The following ENTPD5 variants were observed in gnomAD, a reference collection of about 807,000 sequenced individuals.
ENTPD5 encodes nucleoside diphosphate phosphatase ENTPD5.
Under a neutral mutation model 60.2 loss-of-function variants are expected in ENTPD5, and 49 were observed. The observed-to-expected ratio is 0.81, with a 90% CI of 0.65 to 1.03. The LOEUF (loss-of-function observed/expected upper bound fraction) is 1.03, where lower values mean the gene tolerates loss of function less well. Among genes scored for constraint, ENTPD5 ranks in the 50% least tolerant of loss-of-function variants. The pLI, the probability that ENTPD5 is intolerant of heterozygous loss-of-function variation, is 0.00. For missense variants in ENTPD5, 480 were observed against 507.6 expected (o/e 0.95, Z 0.52); for synonymous variants, 187 against 185.4 (o/e 1.01, Z -0.07).
chr14:73,958,259 C>T (rs140313598), downstream of ENTPD5: 28 of 1,614,106 alleles, frequency 1.7e-5, no homozygotes, highest in Admixed American at 6.7e-5. Flanking sequence ...ATGGCAGCAC[C>T]TTCCAGACCA....
chr14:74,005,277 AAAAAG>A (rs1566763958), intron 3 of ENTPD5, among the ~76,000 whole-genome samples: 7 of 118,222 alleles, frequency 5.9e-5, no homozygotes, highest in African/African-American at 2.3e-4. Flanking sequence ...AAAAAAAAAA[AAAAAG>A]AAAAAAAGAA....
Position 73,977,385 on chromosome 14 carries a change from A to T in ENTPD5, c.442-11T>A. The T allele has an allele frequency of 7.0e-7, 1 of 1,430,792 alleles. No homozygotes were observed. Among genetic ancestry groups the T allele is most frequent in the Non-Finnish European group, 9.7e-7 (1 of 1,033,622 alleles). 88.6% of individuals were successfully genotyped at this position (1,430,792 alleles called of 1,614,324 possible). A position where few individuals can be genotyped will look rare whatever the true frequency, so the allele number is the denominator to read the frequency against. ...GAAGATCTCCTTTACCTAGAGAAAA[A>T]GGAAAAAAAAAAAAAAAGAATTCCC... On this transcript the variant is annotated splice_polypyrimidine_tract_variant and intron_variant, in intron 6 of 15. Coordinates refer to ENST00000334696, the MANE Select transcript of ENTPD5 (RefSeq NM_001249.5).
downstream of ENTPD5, chr14:73,961,619 G>A: frequency 1.2e-6 from 2 of 1,607,548 alleles, no homozygotes. Context: ...ATATAGTTAG[G>A]CAAGATCAGG....
downstream of ENTPD5, chr14:73,960,331 T>G (rs892687112): frequency 5.1e-6 from 5 of 986,542 alleles, no homozygotes; most frequent in African/African-American, 8.7e-5. Flanking sequence ...TTTAGTACAT[T>G]GTAGGTGCTC....
intron 15 of ENTPD5, among the ~76,000 whole-genome samples, chr14:73,967,720 A>C (rs1399261003): frequency 6.6e-6 from 1 of 150,878 alleles, no homozygotes; most frequent in Non-Finnish European, 1.5e-5. Flanking sequence ...GGGTCACTTG[A>C]ACCCGGGAGG....
At position 73,983,024 on chromosome 14, in the gene ENTPD5, G is replaced by C. The variant is rs1012226444; in HGVS notation, c.435C>G (p.Leu145=). ...LLPEHKAKAL[L]FEVKEIFRKS... ...ATGCAGTTTTAAAACTTACCTCAAA[G>C]AGCAGAGCCTTGGCTTTGTGTTCTG... The change falls in exon 6 of 16, where the codon CTC becomes CTG. Residue 145 remains leucine (L), a synonymous_variant. Transcript: ENST00000334696. 3.1e-6 allele frequency: 5 copies of C among 1,613,712 alleles called. No homozygotes were observed. Among genetic ancestry groups the C allele is most frequent in the Non-Finnish European group, 3.4e-6 (4 of 1,179,854 alleles).
In ENTPD5 at chr14:73,983,112, G is replaced by A. The variant is rs1453746383; in HGVS notation, c.347C>T (p.Pro116Leu). ...TGGGGTCTTTTTCCAGTGACTTCGGGGGATTGAGTCTTTGGCCACCTCTAA... is the reference window on the plus strand; with the variant it reads ...TGGGGTCTTTTTCCAGTGACTTCGGAGGATTGAGTCTTTGGCCACCTCTAA... Reference protein sequence around the residue: ...GLLEVAKDSIPRSHWKKTPVV... With the variant: ...GLLEVAKDSILRSHWKKTPVV... The change falls in exon 6 of 16, where the codon CCC becomes CTC. Residue 116 changes from proline (P) to leucine (L), a missense_variant. Transcript: ENST00000334696. 2 of 1,614,128 alleles carry A rather than the reference G, an allele frequency of 1.2e-6. No homozygotes were observed. The highest frequency in any genetic ancestry group is 2.2e-5 in the East Asian group (1 of 44,880).
At chr14:73,982,430 C>T (rs557575980) in intron 6 of ENTPD5, among the ~76,000 whole-genome samples, 9 of 152,086 alleles carry the variant, frequency 5.9e-5, no homozygotes, top group African/African-American at 1.7e-4. Flanking sequence ...TGATTAGAAA[C>T]GACTTCTGAT....
At chr14:74,006,385 AC>A (rs1173306576) in intron 3 of ENTPD5, among the ~76,000 whole-genome samples, 1 of 146,932 alleles carries the variant, frequency 6.8e-6, no homozygotes, top group Non-Finnish European at 1.5e-5. Context: ...CCGGGTTCAC[AC>A]CATTCTCCTG....
chr14:73,955,525 T>A (rs771258000), downstream of ENTPD5: 1 of 1,611,890 alleles, frequency 6.2e-7, no homozygotes, highest in Non-Finnish European at 8.5e-7. Context: ...CCTTTATCTT[T>A]TCAATTTTGT....
At chr14:73,991,031 A>C (rs2058106530) in intron 3 of ENTPD5, among the ~76,000 whole-genome samples, 1 of 152,124 alleles carries the variant, frequency 6.6e-6, no homozygotes, top group Admixed American at 6.6e-5. Context: ...TGTGTCTCAA[A>C]ACAAAAACAA....
chr14:74,016,655 A>C (rs1271557084), intron 1 of ENTPD5, among the ~76,000 whole-genome samples: 1 of 152,176 alleles, frequency 6.6e-6, no homozygotes, highest in Non-Finnish European at 1.5e-5. Flanking sequence ...CAAAAAACCC[A>C]AAAACCAATA....
chr14:74,015,191 A>C (rs2058978784), intron 2 of ENTPD5, among the ~76,000 whole-genome samples: 1 of 152,174 alleles, frequency 6.6e-6, no homozygotes, highest in South Asian at 2.1e-4. Context: ...GTTCACTTAG[A>C]CTGATCCACC....
intron 1 of ENTPD5, among the ~76,000 whole-genome samples, chr14:74,017,554 G>A (rs1284429787): frequency 1.3e-5 from 2 of 151,046 alleles, no homozygotes; most frequent in East Asian, 2.0e-4. Flanking sequence ...CTCCAGCCTG[G>A]GCAACAAGAG....
chr14:73,999,496 C>A (rs561097629), intron 3 of ENTPD5, among the ~76,000 whole-genome samples: 104 of 147,116 alleles, frequency 7.1e-4, no homozygotes, highest in African/African-American at 2.5e-3. Context: ...CCCCACCCCC[C>A]CAAAAAAAAC....
At chr14:73,997,366 GATAAAATA>G (rs1323218200) in intron 3 of ENTPD5, among the ~76,000 whole-genome samples, 1 of 152,014 alleles carries the variant, frequency 6.6e-6, no homozygotes, top group Non-Finnish European at 1.5e-5. Flanking sequence ...GATTGACTTG[GATAAAATA>G]ATACAGTATC....
intron 3 of ENTPD5, among the ~76,000 whole-genome samples, chr14:74,010,785 A>C (rs3742810): frequency 0.23 from 34,771 of 152,078 alleles, 4,859 homozygotes; most frequent in East Asian, 0.76. Context: ...ATCATGCTAT[A>C]TATTTTCACT....
At chr14:74,010,246 CACTT>C (rs1217372055) in intron 3 of ENTPD5, among the ~76,000 whole-genome samples, 1 of 152,126 alleles carries the variant, frequency 6.6e-6, no homozygotes, top group Non-Finnish European at 1.5e-5. Flanking sequence ...TCCACTATAA[CACTT>C]AGTGTTTGGT....
intron 3 of ENTPD5, chr14:73,996,885 T>G (rs1460179649): frequency 6.6e-6 from 1 of 152,208 alleles, no homozygotes; most frequent in Non-Finnish European, 1.5e-5. Flanking sequence ...CAAGGCTGCA[T>G]GAACCATGAT....
Sources: gnomAD v4.1 joint callset for allele counts (sites outside exome capture counted in the v4.1 genomes callset) on GRCh38, gnomAD v4.1.1 for gene constraint, MANE v1.5 for transcripts, NCBI Gene and HGNC (gene_info 2026-07-23, HGNC 2026-07-21) for gene names.